The following CACNA2D3 variants were observed in gnomAD, a reference collection of about 807,000 sequenced individuals.
The protein encoded by CACNA2D3 is voltage-dependent calcium channel subunit alpha-2/delta-3.
A neutral mutation model predicts 160.6 loss-of-function variants in CACNA2D3; 60 were observed. The ratio of observed to expected loss-of-function variants is 0.37; its 90% confidence interval spans 0.30 to 0.46. The LOEUF (loss-of-function observed/expected upper bound fraction) is 0.46. CACNA2D3 is among the 20% of genes least tolerant of loss of function. The pLI is 1.00. For synonymous variants in CACNA2D3, 558 were observed against 492.9 expected (o/e 1.13, Z -1.75); for missense variants, 1,205 against 1,365.0 (o/e 0.88, Z 1.85).
intron 4 of CACNA2D3, among the ~76,000 whole-genome samples, chr3:54,460,409 A>G (rs959940431): frequency 6.6e-5 from 10 of 152,208 alleles, no homozygotes; most frequent in Non-Finnish European, 1.2e-4. Flanking sequence ...ACCCATGAGC[A>G]TGGAATGTTC....
intron 17 of CACNA2D3, among the ~76,000 whole-genome samples, chr3:54,853,428 T>G (rs1360774491): frequency 6.6e-6 from 1 of 152,212 alleles, no homozygotes; most frequent in Non-Finnish European, 1.5e-5. Context: ...ACACGTTCAT[T>G]CACCAAACAT....
chr3:54,687,148 T>G (rs1575423426), intron 11 of CACNA2D3, among the ~76,000 whole-genome samples: 4 of 126,706 alleles, frequency 3.2e-5, no homozygotes, highest in Admixed American at 1.6e-4. Context: ...TTTTTTTTTT[T>G]TTGTTTTTTT....
intron 34 of CACNA2D3, among the ~76,000 whole-genome samples, chr3:55,016,846 A>G (rs1288692791): frequency 6.6e-6 from 1 of 152,204 alleles, no homozygotes; most frequent in Non-Finnish European, 1.5e-5. Context: ...TGAAAAGCCT[A>G]CATATAAGAA....
At chr3:54,823,577 C>A (rs1436917508) in intron 14 of CACNA2D3, among the ~76,000 whole-genome samples, 3 of 151,952 alleles carry the variant, frequency 2.0e-5, no homozygotes, top group African/African-American at 7.3e-5. Flanking sequence ...GCCAAAATAC[C>A]TGAAATGAGA....
chr3:54,276,681 G>A (rs889344553), intron 2 of CACNA2D3, among the ~76,000 whole-genome samples: 13 of 152,166 alleles, frequency 8.5e-5, no homozygotes, highest in African/African-American at 3.1e-4. Flanking sequence ...AGAGGAATTA[G>A]GGAGGGGATG....
At chr3:54,930,028 C>T (rs1446270098) in intron 27 of CACNA2D3, among the ~76,000 whole-genome samples, 1 of 152,194 alleles carries the variant, frequency 6.6e-6, no homozygotes, top group Non-Finnish European at 1.5e-5. Flanking sequence ...ACCTTAAGAG[C>T]CATCAGTCTC....
intron 5 of CACNA2D3, among the ~76,000 whole-genome samples, chr3:54,534,228 A>G (rs1431852575): frequency 6.6e-6 from 1 of 152,200 alleles, no homozygotes; most frequent in East Asian, 1.9e-4. Flanking sequence ...AGCCAGGGTA[A>G]TCTTTTTTGG....
intron 35 of CACNA2D3, 48 bp from the exon 36 acceptor site, chr3:55,073,397 T>TAATTGACGGATGGTAAATGA: frequency 7.0e-7 from 1 of 1,427,018 alleles, no homozygotes; most frequent in Non-Finnish European, 9.9e-7. Context: ...CATGGCTCTT[T>TAATTGACGGATGGTAAATGA]AATTGACGGA....
chr3:54,515,291 G>A (rs1211722557), intron 5 of CACNA2D3, among the ~76,000 whole-genome samples: 5 of 151,894 alleles, frequency 3.3e-5, no homozygotes, highest in East Asian at 1.9e-4. Flanking sequence ...AATTAATAGC[G>A]CTGACTTTCC....
chr3:54,796,529 G>T (rs1702869684), intron 13 of CACNA2D3, among the ~76,000 whole-genome samples: 1 of 152,090 alleles, frequency 6.6e-6, no homozygotes, highest in African/African-American at 2.4e-5. Context: ...TTTACCAATG[G>T]GCCAAGGTAA....
In CACNA2D3 at chr3:54,676,586, C is replaced by T. The variant is rs1252643826; in HGVS notation, c.1167+34345C>T. Reference sequence around the variant, plus strand: ...AGAGAGATGGCATCTGGAAAAATGCCCTTCTGCTGCATCTTGGTATCCAGA... The same window carrying T: ...AGAGAGATGGCATCTGGAAAAATGCTCTTCTGCTGCATCTTGGTATCCAGA... On this transcript the variant is annotated intron_variant, in intron 11 of 37. Transcript: ENST00000474759. 2.0e-5 allele frequency among the ~76,000 whole-genome samples: 3 copies of T among 152,202 alleles called. No individual in the cohort carries two copies. The East Asian group carries it at 5.8e-4, about 29-fold the overall frequency.
intron 27 of CACNA2D3, among the ~76,000 whole-genome samples, chr3:54,934,805 C>T (rs769137136): frequency 2.6e-5 from 4 of 152,152 alleles, no homozygotes; most frequent in Non-Finnish European, 5.9e-5. Context: ...TATCGTAGCT[C>T]ACTGCAACTT....
At chr3:54,563,717 G>A (rs7427301) in intron 6 of CACNA2D3, among the ~76,000 whole-genome samples, 65,692 of 152,040 alleles carry the variant, frequency 0.43, 14,793 homozygotes, top group Middle Eastern at 0.55. Flanking sequence ...AGAAGGGGGA[G>A]AAAAACCCCA....
chr3:54,888,454 A>G (rs1190211231), intron 24 of CACNA2D3, among the ~76,000 whole-genome samples: 3 of 152,026 alleles, frequency 2.0e-5, no homozygotes, highest in Admixed American at 2.0e-4. Context: ...AGGGTGTTAG[A>G]TATAACCCTG....
At chr3:54,688,003 T>G (rs571106710) in intron 11 of CACNA2D3, among the ~76,000 whole-genome samples, 1 of 152,210 alleles carries the variant, frequency 6.6e-6, no homozygotes, top group Non-Finnish European at 1.5e-5. Flanking sequence ...CTACTTGTCT[T>G]TGCGTCGTTA....
At chr3:54,715,299 G>A (rs993114486) in intron 11 of CACNA2D3, among the ~76,000 whole-genome samples, 8 of 152,136 alleles carry the variant, frequency 5.3e-5, no homozygotes, top group African/African-American at 1.9e-4. Flanking sequence ...CAGCCAGATG[G>A]TAGAGATGCA....
At chr3:54,714,026 G>A (rs1413282305) in intron 11 of CACNA2D3, among the ~76,000 whole-genome samples, 1 of 152,152 alleles carries the variant, frequency 6.6e-6, no homozygotes, top group Non-Finnish European at 1.5e-5. Context: ...ATTGTGACAA[G>A]TGAGCAGAGG....
At chr3:54,658,369 C>G (rs1445593079) in intron 11 of CACNA2D3, among the ~76,000 whole-genome samples, 1 of 152,158 alleles carries the variant, frequency 6.6e-6, no homozygotes, top group Non-Finnish European at 1.5e-5. Flanking sequence ...AATAGCCATC[C>G]TAACAGGTGT....
chr3:54,628,963 G>A (rs1455514408), intron 10 of CACNA2D3, among the ~76,000 whole-genome samples: 1 of 152,056 alleles, frequency 6.6e-6, no homozygotes, highest in Admixed American at 6.5e-5. Context: ...ACACAGTCAC[G>A]GCCAGAAAAT....
Sources: allele counts gnomAD v4.1 joint callset (sites outside exome capture counted in the v4.1 genomes callset), GRCh38; gene constraint gnomAD v4.1.1; transcripts MANE v1.5; gene names NCBI Gene and HGNC (gene_info 2026-07-23, HGNC 2026-07-21).